CPQ: variants seen among roughly 807,000 people sequenced by gnomAD.
CPQ encodes Ser-Met dipeptidase.
In CPQ, 37 loss-of-function variants were observed where a neutral mutation model predicts 45.7. The observed-to-expected ratio is 0.81, with a 90% CI of 0.62 to 1.07. CPQ has a LOEUF of 1.07. Among genes scored for constraint, CPQ ranks in the 50% least tolerant of loss-of-function variants. The pLI is 0.00. For missense variants in CPQ, 537 were observed against 572.9 expected (o/e 0.94, Z 0.64); for synonymous variants, 186 against 205.8 (o/e 0.90, Z 0.82).
intron 4 of CPQ, among the ~76,000 whole-genome samples, chr8:96,885,320 C>T (rs1278089786): frequency 6.6e-6 from 1 of 152,174 alleles, no homozygotes; most frequent in African/African-American, 2.4e-5. Flanking sequence ...GATGGCAGAA[C>T]CCTCATGATT....
At chr8:96,907,570 C>G (rs1338813500) in intron 4 of CPQ, among the ~76,000 whole-genome samples, 1 of 152,122 alleles carries the variant, frequency 6.6e-6, no homozygotes, top group Non-Finnish European at 1.5e-5. Context: ...GGAAGGTATA[C>G]AGAACTTTGA....
intron 3 of CPQ, among the ~76,000 whole-genome samples, chr8:96,860,217 G>A (rs1206611741): frequency 6.6e-6 from 1 of 152,058 alleles, no homozygotes; most frequent in Non-Finnish European, 1.5e-5. Context: ...ATCATGCCAT[G>A]GATTACAAGA....
At chr8:96,976,367 G>A (rs181815920) in intron 5 of CPQ, among the ~76,000 whole-genome samples, 1 of 151,088 alleles carries the variant, frequency 6.6e-6, no homozygotes, top group East Asian at 2.0e-4. Context: ...CAAGCAAATG[G>A]AAACACATCC....
chr8:96,715,046 C>A (rs1586369818), intron 1 of CPQ, among the ~76,000 whole-genome samples: 1 of 152,046 alleles, frequency 6.6e-6, no homozygotes. Context: ...TTATCTTATT[C>A]CCCAGTGATG....
intron 7 of CPQ, among the ~76,000 whole-genome samples, chr8:97,123,250 T>TA (rs1434349757): frequency 7.4e-6 from 1 of 135,702 alleles, no homozygotes; most frequent in African/African-American, 2.7e-5. Context: ...TAAAATAAAA[T>TA]AAAAATAAAA....
At chr8:96,936,217 A>G (rs1813047535) in intron 4 of CPQ, among the ~76,000 whole-genome samples, 2 of 152,160 alleles carry the variant, frequency 1.3e-5, no homozygotes, top group African/African-American at 4.8e-5. Flanking sequence ...GATTGGTGGC[A>G]GGTAGTTAAA....
chr8:96,734,450 G>A (rs1425840440), intron 1 of CPQ, among the ~76,000 whole-genome samples: 9 of 152,136 alleles, frequency 5.9e-5, no homozygotes, highest in Non-Finnish European at 8.8e-5. Context: ...GGTGGGTCAC[G>A]CCTGTAATCC....
chr8:96,698,086 ATC>A (rs1262659361), intron 1 of CPQ, among the ~76,000 whole-genome samples: 4 of 152,166 alleles, frequency 2.6e-5, no homozygotes, highest in African/African-American at 9.6e-5. Flanking sequence ...GAATCACATT[ATC>A]TGACTTCAAA....
At chr8:96,708,884 A>G (rs2130751853) in intron 1 of CPQ, among the ~76,000 whole-genome samples, 1 of 152,254 alleles carries the variant, frequency 6.6e-6, no homozygotes, top group East Asian at 1.9e-4. Context: ...ATCACCCACC[A>G]TTCACCACTG....
chr8:96,831,258 CATT>C (rs1255094532), intron 2 of CPQ, among the ~76,000 whole-genome samples: 21 of 151,760 alleles, frequency 1.4e-4, no homozygotes, highest in African/African-American at 4.8e-4. Flanking sequence ...GTGTTTCACA[CATT>C]ATGTGCTAGG....
At position 96,819,086 on chromosome 8, in the gene CPQ, T is replaced by C. The variant is rs185037850; in HGVS notation, c.434-15887T>C. Among the ~76,000 whole-genome samples the C allele has an allele frequency of 6.2e-4, 94 of 152,202 alleles. 1 individual carries two copies. Among genetic ancestry groups the C allele is most frequent in the East Asian group, 2.7e-3 (14 of 5,160 alleles). ...CGTAACTGAAAAACTATATTTTTTT[T>C]CTATGGAAATTCCATCACATAGCTC... On this transcript the variant is annotated intron_variant, in intron 2 of 7. Coordinates refer to ENST00000220763, the MANE Select transcript of CPQ (RefSeq NM_016134.4).
chr8:96,970,471 A>G (rs1286009771), intron 5 of CPQ, among the ~76,000 whole-genome samples: 2 of 152,202 alleles, frequency 1.3e-5, no homozygotes, highest in East Asian at 1.9e-4. Flanking sequence ...AGAAGAGGAA[A>G]CCAAAGCAGA....
chr8:97,107,141 G>A (rs1044599113), intron 7 of CPQ, among the ~76,000 whole-genome samples: 8 of 152,112 alleles, frequency 5.3e-5, no homozygotes, highest in African/African-American at 1.4e-4. Context: ...TAACATTTAT[G>A]GGATCCAGGC....
At chr8:96,887,143 C>G (rs1236656417) in intron 4 of CPQ, among the ~76,000 whole-genome samples, 1 of 152,142 alleles carries the variant, frequency 6.6e-6, no homozygotes, top group East Asian at 1.9e-4. Context: ...ATCAGCTACT[C>G]AGGTCCATCT....
intron 3 of CPQ, among the ~76,000 whole-genome samples, chr8:96,873,281 C>T (rs910319998): frequency 2.6e-5 from 4 of 151,686 alleles, no homozygotes; most frequent in African/African-American, 9.7e-5. Context: ...AATTTAGTCC[C>T]ATCTCCTCTC....
chr8:96,895,044 C>T (rs1031949597), intron 4 of CPQ, among the ~76,000 whole-genome samples: 3 of 152,126 alleles, frequency 2.0e-5, no homozygotes, highest in Admixed American at 6.5e-5. Flanking sequence ...TTATTGAGTG[C>T]CGTCCGTGTG....
chr8:96,834,040 G>A (rs527664223), intron 2 of CPQ, among the ~76,000 whole-genome samples: 38 of 152,160 alleles, frequency 2.5e-4, no homozygotes, highest in Non-Finnish European at 5.3e-4. Context: ...AAAACACTAG[G>A]CACTTACCAC....
At chr8:96,987,440 G>A (rs1175943130) in intron 5 of CPQ, among the ~76,000 whole-genome samples, 2 of 152,116 alleles carry the variant, frequency 1.3e-5, no homozygotes, top group African/African-American at 4.8e-5. Context: ...TGACTAAAGA[G>A]AAAGGAAAGA....
At chr8:96,696,890 C>T (rs979927839) in intron 1 of CPQ, among the ~76,000 whole-genome samples, 1 of 152,050 alleles carries the variant, frequency 6.6e-6, no homozygotes, top group South Asian at 2.1e-4. Context: ...TCCCAGCAAA[C>T]CAAAGCCTGG....
Sources: allele counts gnomAD v4.1 joint callset (sites outside exome capture counted in the v4.1 genomes callset), GRCh38; gene constraint gnomAD v4.1.1; transcripts MANE v1.5; gene names NCBI Gene and HGNC (gene_info 2026-07-23, HGNC 2026-07-21).